The following RNLS variants were observed in gnomAD, a reference collection of about 807,000 sequenced individuals.
RNLS encodes the protein renalase, FAD dependent amine oxidase.
Under a neutral mutation model 39.8 loss-of-function variants are expected in RNLS, and 39 were observed. That is an observed-to-expected ratio of 0.98 (90% CI 0.76 to 1.28). RNLS has a LOEUF of 1.28. Ranked by LOEUF, RNLS falls within the 50% of genes most tolerant of loss-of-function variation. The probability of loss-of-function intolerance (pLI) is 0.00; values close to 1 mark genes in which losing one functional copy is unlikely to be tolerated. For missense variants in RNLS, 410 were observed against 413.3 expected, an observed-to-expected ratio of 0.99 and a Z score of 0.07; for synonymous variants, 147 against 150.7, an observed-to-expected ratio of 0.98 and a Z score of 0.18.
chr10:88,382,419 T>A (rs1008925932), intron 4 of RNLS, among the ~76,000 whole-genome samples: 18 of 152,098 alleles, frequency 1.2e-4, no homozygotes, highest in Non-Finnish European at 7.4e-5. Flanking sequence ...AAATAAAAAA[T>A]TAAATTGAAT....
chr10:88,178,916 G>A, the RNLS span, among the ~76,000 whole-genome samples: 2 of 152,150 alleles, frequency 1.3e-5, no homozygotes, highest in Non-Finnish European at 2.9e-5. Flanking sequence ...ACTCTTCAAG[G>A]TAGTGGCTAT....
At chr10:88,294,350 T>C (rs1023633258) in intron 6 of RNLS, among the ~76,000 whole-genome samples, 2 of 152,138 alleles carry the variant, frequency 1.3e-5, no homozygotes, top group African/African-American at 4.8e-5. Flanking sequence ...AAGATATAAC[T>C]TCAGTGTTGT....
At chr10:88,552,836 G>A (rs1848666205) in intron 4 of RNLS, among the ~76,000 whole-genome samples, 1 of 152,112 alleles carries the variant, frequency 6.6e-6, no homozygotes. Context: ...TATGAACGTT[G>A]TAAAAATAAC....
At chr10:88,355,227 C>T (rs1421325968) in intron 5 of RNLS, among the ~76,000 whole-genome samples, 2 of 152,208 alleles carry the variant, frequency 1.3e-5, no homozygotes, top group East Asian at 1.9e-4. Context: ...CAAAGTCATT[C>T]TCTGTCCTGT....
rs185779948 is a variant in RNLS, at chr10:88,539,592, A to G, written c.526+33311T>C. Among the ~76,000 whole-genome samples the G allele has an allele frequency of 5.1e-3, 769 of 152,174 alleles. 1 individual carries two copies. The highest frequency in any genetic ancestry group is 7.4e-3 in the Non-Finnish European group (503 of 67,980). Reference sequence around the variant, plus strand: ...AGGATGCTACCTATTTTTCCACCACATATTTATCCATAGCATCTCATGCAG... The same window carrying G: ...AGGATGCTACCTATTTTTCCACCACGTATTTATCCATAGCATCTCATGCAG... On this transcript the variant is annotated intron_variant, in intron 4 of 6. Transcript: ENST00000331772.
intron 4 of RNLS, among the ~76,000 whole-genome samples, chr10:88,410,669 T>C (rs2084890436): frequency 6.6e-6 from 1 of 152,140 alleles, no homozygotes; most frequent in Non-Finnish European, 1.5e-5. Flanking sequence ...ACAGAGATAT[T>C]AGTGTAGATC....
At chr10:88,216,104 G>A in the RNLS span, among the ~76,000 whole-genome samples, 1 of 152,306 alleles carries the variant, frequency 6.6e-6, no homozygotes, top group Middle Eastern at 3.4e-3. Flanking sequence ...GTTCATAAAA[G>A]CTATATATCT....
rs1848194459 is a variant in RNLS, at chr10:88,344,744, C to T, written c.700+17808G>A. Among the ~76,000 whole-genome samples, 3 of 152,012 alleles carry T rather than the reference C, an allele frequency of 2.0e-5. No individual in the cohort carries two copies. The South Asian group carries it at 6.2e-4, about 31-fold the overall frequency. On this transcript the variant is annotated intron_variant, in intron 5 of 6. Coordinates refer to ENST00000331772, the MANE Select transcript of RNLS (RefSeq NM_001031709.3). ...CACTTGCTATATTTATAATAGAAATCTATTTTAGTGAGGAAAACTATATTT... is the reference window on the plus strand; with the variant it reads ...CACTTGCTATATTTATAATAGAAATTTATTTTAGTGAGGAAAACTATATTT...
At chr10:88,567,667 C>T (rs1384501591) in intron 4 of RNLS, among the ~76,000 whole-genome samples, 1 of 152,170 alleles carries the variant, frequency 6.6e-6, no homozygotes, top group African/African-American at 2.4e-5. Flanking sequence ...TGCCTACAGG[C>T]ATCTAATAAA....
chr10:88,343,198 A>T (rs145998314), intron 5 of RNLS, among the ~76,000 whole-genome samples: 79 of 152,322 alleles, frequency 5.2e-4, no homozygotes, highest in African/African-American at 1.9e-3. Flanking sequence ...TTATTTGAAG[A>T]ATGAACTGGA....
At chr10:88,182,929 C>A in the RNLS span, among the ~76,000 whole-genome samples, 1 of 152,084 alleles carries the variant, frequency 6.6e-6, no homozygotes, top group Non-Finnish European at 1.5e-5. Flanking sequence ...CTGGCTTTGA[C>A]TCCTACATGC....
At chr10:88,239,232 A>T in the RNLS span, among the ~76,000 whole-genome samples, 2 of 152,258 alleles carry the variant, frequency 1.3e-5, no homozygotes, top group East Asian at 3.9e-4. Flanking sequence ...TTACAGGAAG[A>T]TGCCTTTGAT....
intron 5 of RNLS, among the ~76,000 whole-genome samples, chr10:88,316,806 G>A (rs1472875124): frequency 6.6e-6 from 1 of 152,086 alleles, no homozygotes; most frequent in Non-Finnish European, 1.5e-5. Flanking sequence ...TATTTGAATT[G>A]TACATTTATT....
intron 4 of RNLS, among the ~76,000 whole-genome samples, chr10:88,455,855 C>A (rs182955915): frequency 6.6e-6 from 1 of 152,098 alleles, no homozygotes; most frequent in Admixed American, 6.6e-5. Context: ...AAACAAAAAT[C>A]GCTTTATCCC....
chr10:88,511,058 G>GA (rs1846095716), intron 4 of RNLS, among the ~76,000 whole-genome samples: 2 of 148,618 alleles, frequency 1.3e-5, no homozygotes, highest in Admixed American at 6.7e-5. Context: ...GTTTTGAATT[G>GA]AAACAATGGG....
chr10:88,204,191 T>A, the RNLS span, among the ~76,000 whole-genome samples: 3 of 152,108 alleles, frequency 2.0e-5, no homozygotes, highest in African/African-American at 7.2e-5. Context: ...TGCCTTTTCT[T>A]ATAGTGATTT....
the RNLS span, among the ~76,000 whole-genome samples, chr10:88,264,574 ATGT>A: frequency 6.6e-6 from 1 of 151,998 alleles, no homozygotes; most frequent in Non-Finnish European, 1.5e-5. Context: ...ATCATTAGTG[ATGT>A]TGTGCATTTT....
At chr10:88,303,407 G>A (rs1844677517) in intron 6 of RNLS, among the ~76,000 whole-genome samples, 1 of 152,196 alleles carries the variant, frequency 6.6e-6, no homozygotes, top group South Asian at 2.1e-4. Flanking sequence ...CTGAGCACCA[G>A]CTCAGGCCAT....
rs1427340377 is a variant in RNLS, at chr10:88,380,402, G to T, written c.527-17677C>A. On this transcript the variant is annotated intron_variant, in intron 4 of 6. Coordinates refer to ENST00000331772, the MANE Select transcript of RNLS (RefSeq NM_001031709.3). ...TTTTTTTTTTTTTTGAGACGACGGA[G>T]TCTCTCTCTGTCACCCAGGCTGGAG... Among the ~76,000 whole-genome samples the T allele has an allele frequency of 2.3e-4, 28 of 120,552 alleles. No individual in the cohort carries two copies. In the Admixed American group the frequency reaches 3.0e-3, roughly 13 times the overall value. The allele number at this position is 120,552 out of a possible 152,430, so 79.1% of individuals were successfully genotyped here.
Sources: allele counts gnomAD v4.1 joint callset (sites outside exome capture counted in the v4.1 genomes callset), GRCh38; gene constraint gnomAD v4.1.1; transcripts MANE v1.5; gene names NCBI Gene and HGNC (gene_info 2026-07-23, HGNC 2026-07-21).